Variants in PPEF1 observed in about 807,000 individuals in gnomAD.
PPEF1 encodes serine/threonine-protein phosphatase with EF-hands 1.
A neutral mutation model predicts 53.3 loss-of-function variants in PPEF1; 12 were observed. The observed-to-expected ratio is 0.23, with a 90% CI of 0.14 to 0.36. The LOEUF (loss-of-function observed/expected upper bound fraction) is 0.36, where lower values mean the gene tolerates loss of function less well. Among genes scored for constraint, PPEF1 ranks in the 10% least tolerant of loss-of-function variants. PPEF1 has a pLI of 1.00. For synonymous variants in PPEF1, 165 were observed against 176.7 expected, an observed-to-expected ratio of 0.93 and a Z score of 0.52; for missense variants, 334 against 490.4, an observed-to-expected ratio of 0.68 and a Z score of 3.01.
At position 18,782,406 on chromosome X, in the gene PPEF1, A is replaced by G. The variant is rs779191658; in HGVS notation, c.762+4A>G. 17 of 1,108,062 alleles carry G rather than the reference A, an allele frequency of 1.5e-5. No homozygotes were observed. In the African/African-American group the frequency reaches 1.8e-4, roughly 12 times the overall value. 91.3% of individuals were successfully genotyped at this position (1,108,062 alleles called of 1,213,427 possible). Reference sequence around the variant, plus strand: ...AGAAATTTTGCATAAATATAAGGTAAGACATGCTTTTTTTTTTTTTTTTAG... The same window carrying G: ...AGAAATTTTGCATAAATATAAGGTAGGACATGCTTTTTTTTTTTTTTTTAG... On this transcript the variant is annotated splice_donor_region_variant and intron_variant, in intron 8 of 15. Transcript: ENST00000470157.
chrX:18,699,522 ACT>A (rs1227396561), intron 5 of PPEF1, among the ~76,000 whole-genome samples: 1 of 111,597 alleles, frequency 9.0e-6, no homozygotes, highest in African/African-American at 3.3e-5. Flanking sequence ...TCAGTATAAG[ACT>A]CTGTGAACAA....
At chrX:18,822,773 C>T (rs1569274079) in intron 13 of PPEF1, among the ~76,000 whole-genome samples, 1 of 111,286 alleles carries the variant, frequency 9.0e-6, no homozygotes, top group Non-Finnish European at 1.9e-5. Context: ...TTACTGTGTT[C>T]AAGGACTATA....
At chrX:18,721,522 G>A (rs1308650533) in intron 1 of PPEF1, among the ~76,000 whole-genome samples, 5 of 111,172 alleles carry the variant, frequency 4.5e-5, no homozygotes, top group African/African-American at 1.6e-4. Context: ...AGATGGATGA[G>A]TTAGAGTATT....
chrX:18,737,899 A>G (rs1233803253), intron 3 of PPEF1, among the ~76,000 whole-genome samples: 1 of 110,554 alleles, frequency 9.0e-6, no homozygotes, highest in African/African-American at 3.3e-5. Context: ...GTCTCTTTTT[A>G]TCTTTCTTGG....
At chrX:18,780,712 T>C (rs1249454332) in intron 7 of PPEF1, among the ~76,000 whole-genome samples, 28 of 110,258 alleles carry the variant, frequency 2.5e-4, no homozygotes, top group Non-Finnish European at 1.9e-5. Context: ...AAGAGGAGTT[T>C]AGGCAATGAT....
At chrX:18,675,707 A>G (rs766598117), upstream of PPEF1, among the ~76,000 whole-genome samples, 198 of 112,375 alleles carry the variant, frequency 1.8e-3, no homozygotes, top group African/African-American at 6.2e-3. Flanking sequence ...TGAAGATGCC[A>G]GGCCCCTTGT....
upstream of PPEF1, among the ~76,000 whole-genome samples, chrX:18,682,270 G>A (rs913216684): frequency 1.8e-5 from 2 of 112,719 alleles, no homozygotes; most frequent in African/African-American, 6.4e-5. Flanking sequence ...CTTGGCAGTA[G>A]ATGGCCTTTG....
At chrX:18,785,215 A>G (rs900938966) in intron 9 of PPEF1, among the ~76,000 whole-genome samples, 3 of 111,737 alleles carry the variant, frequency 2.7e-5, no homozygotes, top group Non-Finnish European at 5.6e-5. Flanking sequence ...TCCAGACCAG[A>G]TGAGATCCCC....
chrX:18,677,065 G>A (rs1928704099), intron 1 of PPEF1, among the ~76,000 whole-genome samples: 2 of 99,968 alleles, frequency 2.0e-5, no homozygotes, highest in Admixed American at 2.2e-4. Flanking sequence ...TTAAGACGGA[G>A]TCTCGCTCTG....
At chrX:18,723,700 C>T (rs1409760570) in intron 1 of PPEF1, among the ~76,000 whole-genome samples, 1 of 111,248 alleles carries the variant, frequency 9.0e-6, no homozygotes, top group East Asian at 2.8e-4. Context: ...AAGAGTGCTA[C>T]AGAGAACAGT....
intron 10 of PPEF1, among the ~76,000 whole-genome samples, chrX:18,799,823 G>A (rs1254308051): frequency 8.9e-6 from 1 of 111,832 alleles, no homozygotes; most frequent in African/African-American, 3.2e-5. Flanking sequence ...CATTTCAGAG[G>A]ATAATGTGTT....
chrX:18,823,958 G>C lies in PPEF1; in HGVS notation c.1537G>C (p.Glu513Gln). The C allele has an allele frequency of 6.6e-6, 8 of 1,208,988 alleles. No individual in the cohort carries two copies. The highest frequency in any genetic ancestry group is 8.9e-6 in the Non-Finnish European group (8 of 893,928). The change falls in exon 14 of 16, where the codon GAG becomes CAG. Residue 513 changes from glutamate to glutamine, a missense_variant. Transcript: ENST00000470157. ...LSVSQWAFCMENILGLNLPWR... is the reference protein window; with the variant it reads ...LSVSQWAFCMQNILGLNLPWR... Reference sequence around the variant, plus strand: ...TGTGAGCCAGTGGGCTTTTTGCATGGAGAACATTTTGGGGCTGAACTTACC... The same window carrying C: ...TGTGAGCCAGTGGGCTTTTTGCATGCAGAACATTTTGGGGCTGAACTTACC...
chrX:18,818,162 AC>A lies in PPEF1; in HGVS notation c.1501+18del. 9.2e-7 allele frequency: 1 copy of A among 1,085,123 alleles called. No homozygotes were observed. The highest frequency in any genetic ancestry group is 1.3e-6 in the Non-Finnish European group (1 of 785,085). 89.4% of individuals were successfully genotyped at this position (1,085,123 alleles called of 1,213,427 possible). Reference sequence around the variant, plus strand: ...GAAAATCAGGTAACAAATTTGCATAACATTTACCATTTCTTAACACACCAAG... The same window carrying A: ...GAAAATCAGGTAACAAATTTGCATAAATTTACCATTTCTTAACACACCAAG... On this transcript the variant is annotated intron_variant, in intron 13 of 15. Transcript: ENST00000470157.
chrX:18,710,872 C>T (rs7882500), intron 1 of PPEF1, among the ~76,000 whole-genome samples: 146 of 110,998 alleles, frequency 1.3e-3, no homozygotes, highest in African/African-American at 4.6e-3. Context: ...AAATAGATAT[C>T]TACACTCTTA....
At chrX:18,757,500 A>G in intron 4 of PPEF1, 127 bp from the exon 5 acceptor site, 1 of 495,889 alleles carries the variant, frequency 2.0e-6, no homozygotes. Flanking sequence ...TTTCAGAATA[A>G]TTGAAAGGTT....
intron 6 of PPEF1, among the ~76,000 whole-genome samples, chrX:18,776,759 T>G (rs1203090860): frequency 9.1e-6 from 1 of 110,101 alleles, no homozygotes; most frequent in African/African-American, 3.3e-5. Flanking sequence ...CATCTCTACT[T>G]AAAATACAAA....
intron 9 of PPEF1, among the ~76,000 whole-genome samples, chrX:18,786,651 T>C (rs1449820391): frequency 9.2e-6 from 1 of 108,138 alleles, no homozygotes; most frequent in Non-Finnish European, 1.9e-5. Flanking sequence ...GGCATGGTGG[T>C]GCACACCTGT....
chrX:18,732,485 G>A (rs1266272849), intron 2 of PPEF1, among the ~76,000 whole-genome samples: 1 of 111,975 alleles, frequency 8.9e-6, no homozygotes, highest in East Asian at 2.8e-4. Context: ...GTGGATGAGG[G>A]CTCCAATTTC....
At chrX:18,792,493 C>G (rs1320863929) in intron 10 of PPEF1, among the ~76,000 whole-genome samples, 1 of 110,725 alleles carries the variant, frequency 9.0e-6, no homozygotes, top group Non-Finnish European at 1.9e-5. Context: ...ATTTGTTGAC[C>G]TAAAGTTGTT....
Sources: allele counts gnomAD v4.1 joint callset (sites outside exome capture counted in the v4.1 genomes callset), GRCh38; gene constraint gnomAD v4.1.1; transcripts MANE v1.5; gene names NCBI Gene and HGNC (gene_info 2026-07-23, HGNC 2026-07-21).